COPG2: variants seen among roughly 807,000 people sequenced by gnomAD.
COPG2 encodes coat protein complex I subunit gamma 2.
Under a neutral mutation model 46.3 loss-of-function variants are expected in COPG2, and 37 were observed. The ratio of observed to expected loss-of-function variants is 0.80; its 90% CI spans 0.61 to 1.05. The LOEUF is 1.05. Ranked by LOEUF, COPG2 falls within the 50% of genes least tolerant of loss-of-function variation. The pLI, the probability that COPG2 is intolerant of heterozygous loss-of-function variation, is 0.00. For synonymous variants in COPG2, 159 were observed against 129.7 expected, an observed-to-expected ratio of 1.23 and a Z score of -1.53; for missense variants, 427 against 387.8, an observed-to-expected ratio of 1.10 and a Z score of -0.85.
intron 20 of COPG2, among the ~76,000 whole-genome samples, chr7:130,524,226 G>A (rs1799753355): frequency 6.6e-6 from 1 of 151,986 alleles, no homozygotes; most frequent in African/African-American, 2.4e-5. Context: ...AGTGCAGTAC[G>A]TGTGATGCAG....
chr7:130,605,510 A>C (rs1794710885), intron 9 of COPG2, among the ~76,000 whole-genome samples: 1 of 152,242 alleles, frequency 6.6e-6, no homozygotes, highest in South Asian at 2.1e-4. Context: ...AGAGATTCAA[A>C]GTGCAGCTCA....
At chr7:130,631,895 T>C (rs966771817) in intron 5 of COPG2, among the ~76,000 whole-genome samples, 1 of 152,220 alleles carries the variant, frequency 6.6e-6, no homozygotes, top group East Asian at 1.9e-4. Context: ...AAAAAATCCC[T>C]TTTATAATTA....
At chr7:130,510,011 C>G in intron 20 of COPG2, 1 of 495,098 alleles carries the variant, frequency 2.0e-6, no homozygotes, top group South Asian at 1.5e-5. Flanking sequence ...ATGCTAATGC[C>G]TAGGTGCTGA....
intron 20 of COPG2, among the ~76,000 whole-genome samples, chr7:130,522,916 G>A (rs1157733645): frequency 3.3e-5 from 5 of 151,454 alleles, no homozygotes; most frequent in South Asian, 2.1e-4. Flanking sequence ...TCAGGAGTTC[G>A]AGACCAGCCT....
In COPG2 at chr7:130,508,362, A is replaced by C. The variant is rs528825713; in HGVS notation, c.2247+200T>G. On this transcript the variant is annotated intron_variant, in intron 21 of 23. Coordinates refer to ENST00000425248, the MANE Select transcript of COPG2 (RefSeq NM_012133.6). ...GAGTTTGTTTTAATGATGAAGTGGT[A>C]AATCTCAATTCTCTCTGGCCTGGTG... 6.1e-5 allele frequency: 28 copies of C among 461,438 alleles called. No individual in the cohort carries two copies. In the Admixed American group the frequency reaches 1.1e-3, roughly 18 times the overall value. 28.6% of individuals were successfully genotyped at this position (461,438 alleles called of 1,614,324 possible).
chr7:130,597,711 G>A (rs1222979029), intron 9 of COPG2, among the ~76,000 whole-genome samples: 1 of 152,248 alleles, frequency 6.6e-6, no homozygotes, highest in Non-Finnish European at 1.5e-5. Context: ...ATAACTCAAA[G>A]AAAAGATGAA....
In COPG2 at chr7:130,603,763, A is replaced by G. The variant is rs1554450751; in HGVS notation, c.737+7190T>C. On this transcript the variant is annotated intron_variant, in intron 9 of 23. Transcript: ENST00000425248. ...AAAAAAAAATTTGCGGCAATTATGAATAACAGTACTATAGGCATCTTGTAC... is the reference window on the plus strand; with the variant it reads ...AAAAAAAAATTTGCGGCAATTATGAGTAACAGTACTATAGGCATCTTGTAC... 6 of 451,798 alleles carry G rather than the reference A, an allele frequency of 1.3e-5. No individual in the cohort carries two copies. In the East Asian group the frequency reaches 3.5e-4, roughly 26 times the overall value. The allele number at this position is 451,798 out of a possible 1,614,324, so 28.0% of individuals were successfully genotyped here.
At chr7:130,585,842 A>G (rs569757444) in intron 9 of COPG2, among the ~76,000 whole-genome samples, 3 of 152,260 alleles carry the variant, frequency 2.0e-5, no homozygotes, top group South Asian at 4.2e-4. Flanking sequence ...GATGCGGTGA[A>G]CAGGGAATAC....
chr7:130,668,559 G>C, intron 1 of COPG2, 73 bp downstream of exon 1: 1 of 1,410,778 alleles, frequency 7.1e-7, no homozygotes. Flanking sequence ...CCGCCGGCCT[G>C]AAAGCAGGTG....
intron 12 of COPG2, 112 bp from the exon 13 acceptor site, chr7:130,555,244 T>C (rs1259416868): frequency 7.8e-6 from 3 of 385,098 alleles, no homozygotes; most frequent in African/African-American, 2.1e-5. Context: ...AAACATACTT[T>C]CCTACTTACT....
chr7:130,664,425 A>C (rs1238092121), intron 3 of COPG2, among the ~76,000 whole-genome samples: 1 of 152,252 alleles, frequency 6.6e-6, no homozygotes, highest in African/African-American at 2.4e-5. Flanking sequence ...TTTACTGAAT[A>C]CCCAGAAGTC....
At chr7:130,577,772 AAAAAAAAAAAAAAAAAC>A (rs1463701373) in intron 9 of COPG2, among the ~76,000 whole-genome samples, 1 of 150,548 alleles carries the variant, frequency 6.6e-6, no homozygotes, top group Admixed American at 6.6e-5. Context: ...CGTCTCAAAA[AAAAAAAAAAAAAAAAAC>A]AAAAAAAAAA....
At chr7:130,663,408 A>G (rs548578504) in intron 3 of COPG2, among the ~76,000 whole-genome samples, 8 of 152,346 alleles carry the variant, frequency 5.3e-5, no homozygotes, top group African/African-American at 1.9e-4. Flanking sequence ...AGCAGAGATC[A>G]TATCTATAAT....
intron 20 of COPG2, among the ~76,000 whole-genome samples, chr7:130,537,390 G>A (rs1799890517): frequency 1.3e-5 from 2 of 149,720 alleles, no homozygotes; most frequent in African/African-American, 2.5e-5. Context: ...GTGGGTGCGG[G>A]GCCAGGTCAA....
At chr7:130,609,970 T>C (rs148541642) in intron 9 of COPG2, 160 of 432,832 alleles carry the variant, frequency 3.7e-4, no homozygotes, top group African/African-American at 3.3e-3. Context: ...ACTCCTTTGG[T>C]GTTCACTTTA....
chr7:130,613,225 C>T (rs1385431263), intron 7 of COPG2, among the ~76,000 whole-genome samples: 2 of 152,144 alleles, frequency 1.3e-5, no homozygotes, highest in African/African-American at 2.4e-5. Flanking sequence ...GCATGCGCAG[C>T]TCACAATAGG....
intron 5 of COPG2, among the ~76,000 whole-genome samples, chr7:130,620,359 A>G (rs1293923842): frequency 6.6e-6 from 1 of 152,278 alleles, no homozygotes; most frequent in East Asian, 1.9e-4. Flanking sequence ...TTTGCAGGCT[A>G]TATGACTACC....
intron 9 of COPG2, among the ~76,000 whole-genome samples, chr7:130,596,813 T>G (rs1794536655): frequency 6.6e-6 from 1 of 152,162 alleles, no homozygotes; most frequent in South Asian, 2.1e-4. Flanking sequence ...CTGGAACTAG[T>G]CCCTCCGAAG....
chr7:130,611,235 A>G (rs1794843519), intron 8 of COPG2, 125 bp from the exon 9 acceptor site: 3 of 862,574 alleles, frequency 3.5e-6, no homozygotes, highest in South Asian at 3.8e-5. Context: ...ATGTACACAA[A>G]TATTTTTTTC....
Sources: allele counts gnomAD v4.1 joint callset (sites outside exome capture counted in the v4.1 genomes callset), GRCh38; gene constraint gnomAD v4.1.1; transcripts MANE v1.5; gene names NCBI Gene and HGNC (gene_info 2026-07-23, HGNC 2026-07-21).